The following CSMD1 variants were observed in gnomAD, a reference collection of about 807,000 sequenced individuals.
The protein encoded by CSMD1 is CUB and Sushi multiple domains 1, also known as CUB and sushi domain-containing protein 1.
CSMD1 carries 213 observed loss-of-function variants against 417.5 expected under a neutral mutation model. That is an observed-to-expected ratio of 0.51 (90% CI 0.46 to 0.57). The LOEUF is 0.57. Among genes scored for constraint, CSMD1 ranks in the 20% least tolerant of loss-of-function variants. The pLI, the probability that CSMD1 is intolerant of heterozygous loss-of-function variation, is 0.00. For synonymous variants in CSMD1, 2,862 were observed against 1,736.8 expected, an observed-to-expected ratio of 1.65 and a Z score of -16.11; for missense variants, 6,923 against 4,529.7, an observed-to-expected ratio of 1.53 and a Z score of -15.17.
chr8:3,520,020 C>CTATATA (rs33939239), intron 10 of CSMD1, among the ~76,000 whole-genome samples: 19 of 137,600 alleles, frequency 1.4e-4, no homozygotes, highest in Admixed American at 7.9e-4. Flanking sequence ...GTGTATATAC[C>CTATATA]TATATATATA....
chr8:3,304,262 A>C (rs1294689627), intron 25 of CSMD1, among the ~76,000 whole-genome samples: 2 of 152,170 alleles, frequency 1.3e-5, no homozygotes, highest in Non-Finnish European at 2.9e-5. Context: ...TCTCATTTTC[A>C]AGTTAACATT....
At chr8:3,619,516 A>T (rs1802314157) in intron 7 of CSMD1, among the ~76,000 whole-genome samples, 1 of 152,226 alleles carries the variant, frequency 6.6e-6, no homozygotes, top group African/African-American at 2.4e-5. Context: ...ATTTACAACA[A>T]CAATTATAGA....
chr8:3,054,237 T>C (rs565562999), intron 49 of CSMD1, among the ~76,000 whole-genome samples: 139 of 152,316 alleles, frequency 9.1e-4, no homozygotes, highest in African/African-American at 3.2e-3. Context: ...AAAGAAAATG[T>C]ATTCCCCAAT....
At chr8:4,044,209 C>T (rs187104961) in intron 3 of CSMD1, among the ~76,000 whole-genome samples, 1 of 152,134 alleles carries the variant, frequency 6.6e-6, no homozygotes, top group South Asian at 2.1e-4. Flanking sequence ...TGCACAATAA[C>T]TGCTGTTTCA....
intron 5 of CSMD1, among the ~76,000 whole-genome samples, chr8:3,955,404 C>T (rs902929825): frequency 6.6e-6 from 1 of 152,168 alleles, no homozygotes; most frequent in Admixed American, 6.5e-5. Context: ...TGACTCTAAG[C>T]TTCCATTTAA....
intron 23 of CSMD1, among the ~76,000 whole-genome samples, chr8:3,338,320 G>C (rs1016729407): frequency 6.6e-6 from 1 of 152,186 alleles, no homozygotes. Flanking sequence ...TTGAGTCAGT[G>C]TCCACAGAAC....
At chr8:3,235,731 T>G (rs1585740774) in intron 26 of CSMD1, among the ~76,000 whole-genome samples, 1 of 152,114 alleles carries the variant, frequency 6.6e-6, no homozygotes, top group Non-Finnish European at 1.5e-5. Context: ...TGGTATAATA[T>G]TCTATTCATT....
chr8:4,356,377 T>C (rs1211444334), intron 3 of CSMD1, among the ~76,000 whole-genome samples: 2 of 152,150 alleles, frequency 1.3e-5, no homozygotes, highest in Non-Finnish European at 2.9e-5. Flanking sequence ...TGTTGATTTA[T>C]GGACATTTGG....
chr8:4,455,887 C>T (rs948455526), intron 2 of CSMD1, among the ~76,000 whole-genome samples: 3 of 120,402 alleles, frequency 2.5e-5, no homozygotes, highest in South Asian at 5.6e-4. Flanking sequence ...CAAGATCATG[C>T]CACTGCAATC....
chr8:4,178,419 T>A (rs1310538778), intron 3 of CSMD1, among the ~76,000 whole-genome samples: 1 of 151,088 alleles, frequency 6.6e-6, no homozygotes, highest in Non-Finnish European at 1.5e-5. Flanking sequence ...TAGGTATTGA[T>A]GGGACGTATC....
At chr8:4,142,118 A>C (rs1803828369) in intron 3 of CSMD1, among the ~76,000 whole-genome samples, 3 of 151,240 alleles carry the variant, frequency 2.0e-5, no homozygotes. Context: ...AACATTTGTT[A>C]GCAGATATCC....
rs543835032 is a variant in CSMD1 at position 3,387,313 on chromosome 8, C to T, written c.2782+181G>A. Among the ~76,000 whole-genome samples, 3 of 152,294 alleles carry T rather than the reference C, an allele frequency of 2.0e-5. 1 individual carries two copies. The highest frequency in any genetic ancestry group is 2.0e-4 in the Admixed American group (3 of 15,296). ...ACAGTTGTTCTATCTAGTACATACA[C>T]GGTGGTAGGTAAACTTCAAATGATC... On this transcript the variant is annotated intron_variant, in intron 18 of 69. Coordinates refer to ENST00000635120, the MANE Select transcript of CSMD1 (RefSeq NM_033225.6).
rs1803384002 is a variant in CSMD1, at chr8:4,520,501, A to G, written c.303-100436T>C. 4.6e-5 allele frequency among the ~76,000 whole-genome samples: 7 copies of G among 152,288 alleles called. No individual in the cohort carries two copies. In the South Asian group the frequency reaches 1.5e-3, roughly 32 times the overall value. On this transcript the variant is annotated intron_variant, in intron 2 of 69. Coordinates refer to ENST00000635120, the MANE Select transcript of CSMD1 (RefSeq NM_033225.6). ...AAGATGAAATGGGTCACACAGTACT[A>G]AAGCAGAGAAAGACATCCCGATAGG...
chr8:4,846,939 T>G (rs1801180478), intron 1 of CSMD1, among the ~76,000 whole-genome samples: 1 of 152,130 alleles, frequency 6.6e-6, no homozygotes, highest in African/African-American at 2.4e-5. Context: ...GGCTATTCAT[T>G]GGGAGAAAAA....
intron 2 of CSMD1, among the ~76,000 whole-genome samples, chr8:4,589,546 A>T (rs1311096291): frequency 1.3e-5 from 2 of 152,224 alleles, no homozygotes; most frequent in South Asian, 2.1e-4. Context: ...GGAAGTGCAT[A>T]ATATGTTAAT....
At chr8:3,371,092 C>A (rs77242862) in intron 18 of CSMD1, among the ~76,000 whole-genome samples, 4 of 152,154 alleles carry the variant, frequency 2.6e-5, no homozygotes, top group Admixed American at 6.5e-5. Context: ...CCAGAACATA[C>A]ATCTTCAGCT....
At chr8:4,314,766 G>A (rs1186692767) in intron 3 of CSMD1, among the ~76,000 whole-genome samples, 1 of 152,116 alleles carries the variant, frequency 6.6e-6, no homozygotes, top group Non-Finnish European at 1.5e-5. Context: ...GTCTTCTAAT[G>A]ATTTATCCTC....
At chr8:3,672,305 T>A (rs1437173219) in intron 7 of CSMD1, among the ~76,000 whole-genome samples, 1 of 152,144 alleles carries the variant, frequency 6.6e-6, no homozygotes, top group Admixed American at 6.5e-5. Flanking sequence ...AGTCTGAGAA[T>A]CCTAAGGTTC....
intron 5 of CSMD1, among the ~76,000 whole-genome samples, chr8:3,766,539 G>A (rs552900745): frequency 6.6e-6 from 1 of 152,160 alleles, no homozygotes; most frequent in African/African-American, 2.4e-5. Context: ...GAAACAGGGA[G>A]CAGTCGGCAC....
Sources: gnomAD v4.1 joint callset for allele counts (sites outside exome capture counted in the v4.1 genomes callset) on GRCh38, gnomAD v4.1.1 for gene constraint, MANE v1.5 for transcripts, NCBI Gene and HGNC (gene_info 2026-07-23, HGNC 2026-07-21) for gene names.